STK33: variants seen among roughly 807,000 people sequenced by gnomAD.
The protein encoded by STK33 is serine/threonine-protein kinase 33.
A neutral mutation model predicts 58.0 loss-of-function variants in STK33; 52 were observed. The observed-to-expected ratio is 0.90, with a 90% CI of 0.72 to 1.13. The LOEUF is 1.13. STK33 is among the 50% of genes most tolerant of loss of function. The probability of loss-of-function intolerance (pLI) is 0.00; values close to 1 mark genes in which losing one functional copy is unlikely to be tolerated. For synonymous variants in STK33, 215 were observed against 200.1 expected, an observed-to-expected ratio of 1.07 and a Z score of -0.63; for missense variants, 630 against 604.2, an observed-to-expected ratio of 1.04 and a Z score of -0.45.
At chr11:8,500,958 T>C (rs533634497) in intron 1 of STK33, among the ~76,000 whole-genome samples, 4 of 152,246 alleles carry the variant, frequency 2.6e-5, no homozygotes, top group Admixed American at 2.0e-4. Context: ...AACAGTCTTT[T>C]CAGCAAATGG....
chr11:8,415,934 G>A (rs929376620), intron 14 of STK33, among the ~76,000 whole-genome samples: 7 of 152,110 alleles, frequency 4.6e-5, no homozygotes, highest in Non-Finnish European at 1.0e-4. Context: ...AACTATAACT[G>A]CATAAAGTTC....
chr11:8,593,470 A>G (rs531338789), intron 1 of STK33, among the ~76,000 whole-genome samples: 44 of 152,330 alleles, frequency 2.9e-4, no homozygotes, highest in African/African-American at 1.0e-3. Context: ...AGCTTCACAT[A>G]TAGGTTCACT....
chr11:8,343,769 C>T, the STK33 span, among the ~76,000 whole-genome samples: 7 of 152,296 alleles, frequency 4.6e-5, no homozygotes, highest in African/African-American at 1.7e-4. Flanking sequence ...ACAGTTCTCA[C>T]CATGCCTTGA....
rs200784602 is a variant in STK33, at chr11:8,439,775, T to TATGCC, written c.947+898_947+902dup. 4.2e-3 allele frequency among the ~76,000 whole-genome samples: 634 copies of TATGCC among 150,550 alleles called. 10 individuals are homozygous for TATGCC. In the South Asian group the frequency reaches 0.044, roughly 10 times the overall value. ...TCAGGTCATGAAAGACCTGCTCTGC[T>TATGCC]ATGCCATGCCATGCCATGCCAAGAT... is the stretch of plus-strand genomic sequence containing the variant. On this transcript the variant is annotated intron_variant, in intron 12 of 15. Coordinates refer to ENST00000687296, the MANE Select transcript of STK33 (RefSeq NM_001352389.2).
intron 1 of STK33, among the ~76,000 whole-genome samples, chr11:8,515,853 A>T (rs1482452473): frequency 6.6e-6 from 1 of 152,236 alleles, no homozygotes; most frequent in South Asian, 2.1e-4. Flanking sequence ...AACGTAATAA[A>T]GACCATATAT....
intron 15 of STK33, among the ~76,000 whole-genome samples, chr11:8,409,962 G>C (rs1053167596): frequency 2.0e-5 from 3 of 152,026 alleles, no homozygotes; most frequent in African/African-American, 7.2e-5. Context: ...AATCCAGGCA[G>C]CCTAGATCCG....
At chr11:8,446,069 G>A (rs1253542210) in intron 11 of STK33, among the ~76,000 whole-genome samples, 1 of 152,086 alleles carries the variant, frequency 6.6e-6, no homozygotes, top group Non-Finnish European at 1.5e-5. Flanking sequence ...TGTTATTGGT[G>A]TAGTCAGGGA....
At position 8,500,988 on chromosome 11, in the gene STK33, C is replaced by T. The variant is rs566828629; in HGVS notation, c.-465-20374G>A. Among the ~76,000 whole-genome samples, 219 of 152,242 alleles carry T rather than the reference C, an allele frequency of 1.4e-3. 2 individuals are homozygous for T. The highest frequency in any genetic ancestry group is 5.2e-3 in the African/African-American group (214 of 41,552). ...AAATGGTGCTGGGATAACTGGATATCTACACACAAAAGAATAAATGTAGAC... is the reference window on the plus strand; with the variant it reads ...AAATGGTGCTGGGATAACTGGATATTTACACACAAAAGAATAAATGTAGAC... On this transcript the variant is annotated intron_variant, in intron 1 of 15. Transcript: ENST00000687296.
At chr11:8,340,515 C>A in the STK33 span, among the ~76,000 whole-genome samples, 3 of 152,240 alleles carry the variant, frequency 2.0e-5, no homozygotes, top group African/African-American at 7.2e-5. Context: ...GAGGTGGACT[C>A]TTGAACTGTG....
chr11:8,513,317 C>T (rs1171509643), intron 1 of STK33, among the ~76,000 whole-genome samples: 2 of 152,098 alleles, frequency 1.3e-5, no homozygotes, highest in African/African-American at 2.4e-5. Context: ...TAATAGAATC[C>T]CTTATGCTTG....
intron 15 of STK33, among the ~76,000 whole-genome samples, chr11:8,393,147 A>G (rs1039874924): frequency 1.3e-5 from 2 of 152,150 alleles, no homozygotes; most frequent in African/African-American, 4.8e-5. Flanking sequence ...TCACATCCCC[A>G]CTATCTTCCC....
intron 15 of STK33, among the ~76,000 whole-genome samples, chr11:8,398,118 A>G (rs1212955624): frequency 6.6e-6 from 1 of 152,152 alleles, no homozygotes; most frequent in Admixed American, 6.5e-5. Flanking sequence ...GAATGCCACA[A>G]AGATACTCCT....
At chr11:8,400,371 T>C (rs1451518182) in intron 15 of STK33, among the ~76,000 whole-genome samples, 6 of 152,040 alleles carry the variant, frequency 3.9e-5, no homozygotes, top group South Asian at 4.1e-4. Flanking sequence ...ACAAAAACCA[T>C]ATGATTATCT....
chr11:8,488,944 G>A (rs1011942820), intron 1 of STK33, among the ~76,000 whole-genome samples: 3 of 152,194 alleles, frequency 2.0e-5, no homozygotes, highest in South Asian at 2.1e-4. Flanking sequence ...TGTTCAAAGT[G>A]CTGAAAGAAA....
At chr11:8,439,885 A>ATATATATATATATATATATATATC (rs1311904285) in intron 12 of STK33, among the ~76,000 whole-genome samples, 1 of 142,032 alleles carries the variant, frequency 7.0e-6, no homozygotes, top group Non-Finnish European at 1.5e-5. Context: ...ATATATATAT[A>ATATATATATATATATATATATATC]TCAGAGGCTT....
chr11:8,366,469 C>T, the STK33 span, among the ~76,000 whole-genome samples: 1 of 152,170 alleles, frequency 6.6e-6, no homozygotes, highest in Non-Finnish European at 1.5e-5. Flanking sequence ...GGTGGGAGAG[C>T]ACAGACGGGG....
intron 1 of STK33, among the ~76,000 whole-genome samples, chr11:8,571,623 G>A (rs1357869512): frequency 1.3e-5 from 2 of 152,084 alleles, no homozygotes; most frequent in Non-Finnish European, 2.9e-5. Context: ...CACGAGGTCA[G>A]GAGATCGAGA....
intron 15 of STK33, among the ~76,000 whole-genome samples, chr11:8,399,205 C>A (rs1368411805): frequency 8.5e-5 from 13 of 152,150 alleles, no homozygotes; most frequent in South Asian, 6.2e-4. Context: ...AAAATTGACC[C>A]CGTAGTTGGA....
At position 8,523,403 on chromosome 11, in the gene STK33, C is replaced by T. The variant is rs370323035; in HGVS notation, c.-465-42789G>A. On this transcript the variant is annotated intron_variant, in intron 1 of 15. Transcript: ENST00000687296. ...GATGTGGGAAGCGCCTCTGCCCAGC[C>T]GCAACCCCGTCTGGGAGGTGAGGAG... Among the ~76,000 whole-genome samples, 14 of 151,980 alleles carry T rather than the reference C, an allele frequency of 9.2e-5. No homozygotes were observed. In the East Asian group the frequency reaches 2.4e-3, roughly 26 times the overall value.
Sources: gnomAD v4.1 joint callset for allele counts (sites outside exome capture counted in the v4.1 genomes callset) on GRCh38, gnomAD v4.1.1 for gene constraint, MANE v1.5 for transcripts, NCBI Gene and HGNC (gene_info 2026-07-23, HGNC 2026-07-21) for gene names.